NRXN1: variants seen among roughly 807,000 people sequenced by gnomAD.
NRXN1 encodes neurexin 1.
NRXN1 carries 39 observed loss-of-function variants against 150.9 expected under a neutral mutation model. That is an observed-to-expected ratio of 0.26 (90% CI 0.20 to 0.34). The LOEUF (loss-of-function observed/expected upper bound fraction) is 0.34, where lower values mean the gene tolerates loss of function less well. Ranked by LOEUF, NRXN1 falls within the 10% of genes least tolerant of loss-of-function variation. The pLI, the probability that NRXN1 is intolerant of heterozygous loss-of-function variation, is 1.00. For synonymous variants in NRXN1, 924 were observed against 757.0 expected (o/e 1.22, Z -3.62); for missense variants, 1,815 against 1,949.9 (o/e 0.93, Z 1.30).
intron 18 of NRXN1, among the ~76,000 whole-genome samples, chr2:50,159,846 A>G (rs913509188): frequency 2.0e-5 from 3 of 152,196 alleles, no homozygotes; most frequent in African/African-American, 7.2e-5. Context: ...TACTGGAGAC[A>G]ATTCCAAAAA....
chr2:50,926,935 C>A (rs1248212605), intron 2 of NRXN1, among the ~76,000 whole-genome samples: 1 of 151,706 alleles, frequency 6.6e-6, no homozygotes, highest in East Asian at 1.9e-4. Flanking sequence ...GTGGAAAATT[C>A]AAGTTCTATT....
chr2:50,421,106 G>A (rs2083958828), intron 17 of NRXN1, among the ~76,000 whole-genome samples: 1 of 151,620 alleles, frequency 6.6e-6, no homozygotes, highest in African/African-American at 2.4e-5. Context: ...TGGGAGAGGA[G>A]ACATTAATAA....
chr2:50,236,599 G>T (rs1011257761), intron 18 of NRXN1, among the ~76,000 whole-genome samples, 190 bp downstream of exon 18: 3 of 149,160 alleles, frequency 2.0e-5, no homozygotes, highest in Admixed American at 6.7e-5. Flanking sequence ...AAAAAAGTTT[G>T]CATTGTAAAG....
intron 17 of NRXN1, among the ~76,000 whole-genome samples, chr2:50,304,276 A>G (rs2074417916): frequency 1.3e-5 from 2 of 152,316 alleles, no homozygotes; most frequent in Non-Finnish European, 2.9e-5. Flanking sequence ...TTTTATTAGA[A>G]TACAATAGGA....
At chr2:50,795,454 T>C (rs1266093175) in intron 5 of NRXN1, among the ~76,000 whole-genome samples, 1 of 152,062 alleles carries the variant, frequency 6.6e-6, no homozygotes, top group Non-Finnish European at 1.5e-5. Flanking sequence ...ATCAATCCAC[T>C]CCAACCTGGA....
At chr2:50,208,220 C>A (rs2062754816) in intron 18 of NRXN1, among the ~76,000 whole-genome samples, 1 of 152,076 alleles carries the variant, frequency 6.6e-6, no homozygotes. Flanking sequence ...TACCAGGGTA[C>A]CCTCATCCAG....
chr2:50,997,448 T>G (rs1302351347), intron 2 of NRXN1, among the ~76,000 whole-genome samples: 1 of 106,196 alleles, frequency 9.4e-6, no homozygotes, highest in Non-Finnish European at 1.8e-5. Context: ...TTAAAATTTT[T>G]TGATTAAAAT....
chr2:50,781,250 C>T (rs1028884332), intron 5 of NRXN1, among the ~76,000 whole-genome samples: 2 of 151,972 alleles, frequency 1.3e-5, no homozygotes, highest in African/African-American at 4.8e-5. Context: ...ATCTGACTGC[C>T]CTTTGCTTCA....
intron 5 of NRXN1, among the ~76,000 whole-genome samples, chr2:50,797,769 G>A (rs1226092574): frequency 8.5e-5 from 13 of 152,076 alleles, no homozygotes; most frequent in African/African-American, 4.8e-5. Context: ...GGTAGCCCTG[G>A]CATATCACAG....
At chr2:50,862,189 C>T (rs912933905) in intron 5 of NRXN1, among the ~76,000 whole-genome samples, 13 of 140,808 alleles carry the variant, frequency 9.2e-5, no homozygotes, top group African/African-American at 2.4e-4. Flanking sequence ...AGGACAAGAG[C>T]GAGATTCCAT....
At chr2:50,214,690 T>C (rs1015346611) in intron 18 of NRXN1, among the ~76,000 whole-genome samples, 20 of 152,146 alleles carry the variant, frequency 1.3e-4, no homozygotes, top group African/African-American at 4.8e-4. Context: ...AATTTCTCTC[T>C]AGATTTCATG....
chr2:50,807,666 C>T (rs950837312), intron 5 of NRXN1, among the ~76,000 whole-genome samples: 1 of 152,086 alleles, frequency 6.6e-6, no homozygotes, highest in African/African-American at 2.4e-5. Flanking sequence ...CCTTTCCTTG[C>T]TCTGCTGTAC....
intron 5 of NRXN1, among the ~76,000 whole-genome samples, chr2:50,882,060 C>T (rs1014214215): frequency 1.3e-5 from 2 of 151,716 alleles, no homozygotes; most frequent in African/African-American, 4.8e-5. Flanking sequence ...AAAACAACCA[C>T]TAAAAGGATA....
At chr2:50,114,358 C>T (rs998871362) in intron 18 of NRXN1, among the ~76,000 whole-genome samples, 3 of 152,104 alleles carry the variant, frequency 2.0e-5, no homozygotes, top group Non-Finnish European at 4.4e-5. Context: ...ACTGACAACA[C>T]CAAAGGCTGG....
At chr2:50,538,215 A>T (rs2093308968) in intron 10 of NRXN1, 38 bp downstream of exon 10, 1 of 1,580,314 alleles carries the variant, frequency 6.3e-7, no homozygotes. Context: ...TAAACTTTTC[A>T]TCTCAGGGAG....
chr2:50,447,479 C>CAAA (rs35878890), intron 17 of NRXN1, among the ~76,000 whole-genome samples: 3 of 38,542 alleles, frequency 7.8e-5, no homozygotes, highest in Non-Finnish European at 1.4e-4. Context: ...GACTCTGTCT[C>CAAA]AAAAAAAAAA....
intron 17 of NRXN1, among the ~76,000 whole-genome samples, chr2:50,431,167 C>A (rs887556152): frequency 6.6e-6 from 1 of 152,164 alleles, no homozygotes; most frequent in Admixed American, 6.5e-5. Flanking sequence ...TTTTGTATGT[C>A]CAATCTTTGT....
intron 18 of NRXN1, among the ~76,000 whole-genome samples, chr2:50,225,030 A>T (rs536067916): frequency 6.6e-6 from 1 of 152,136 alleles, no homozygotes; most frequent in East Asian, 1.9e-4. Context: ...TCTTCCTTTC[A>T]TAAGAAAATA....
At chr2:50,040,572 A>C (rs1690778643) in intron 21 of NRXN1, among the ~76,000 whole-genome samples, 1 of 152,040 alleles carries the variant, frequency 6.6e-6, no homozygotes, top group South Asian at 2.1e-4. Context: ...AAAGACATTT[A>C]CTCTGGGGAA....
Sources: allele counts gnomAD v4.1 joint callset (sites outside exome capture counted in the v4.1 genomes callset), GRCh38; gene constraint gnomAD v4.1.1; transcripts MANE v1.5; gene names NCBI Gene and HGNC (gene_info 2026-07-23, HGNC 2026-07-21).